ADAMTS16: variants seen among roughly 807,000 people sequenced by gnomAD.
ADAMTS16 encodes ADAM metallopeptidase with thrombospondin type 1 motif 16, also known as A disintegrin and metalloproteinase with thrombospondin motifs 16.
In ADAMTS16, 94 loss-of-function variants were observed where a neutral mutation model predicts 145.8. The ratio of observed to expected loss-of-function variants is 0.64; its 90% CI spans 0.55 to 0.77. The LOEUF is 0.77. Ranked by LOEUF, ADAMTS16 falls within the 30% of genes least tolerant of loss-of-function variation. The probability of loss-of-function intolerance (pLI) is 0.00; values close to 1 mark genes in which losing one functional copy is unlikely to be tolerated. For missense variants in ADAMTS16, 1,585 were observed against 1,591.5 expected (o/e 1.00, Z 0.07); for synonymous variants, 659 against 604.3 (o/e 1.09, Z -1.33).
intron 9 of ADAMTS16, among the ~76,000 whole-genome samples, chr5:5,204,079 C>T (rs1736026300): frequency 2.0e-5 from 3 of 152,044 alleles, no homozygotes; most frequent in Admixed American, 6.6e-5. Context: ...CACTTTCCTG[C>T]GGAGGAGAGA....
chr5:5,198,736 G>A (rs1464951000), intron 8 of ADAMTS16, among the ~76,000 whole-genome samples: 1 of 152,186 alleles, frequency 6.6e-6, no homozygotes, highest in Admixed American at 6.5e-5. Flanking sequence ...AAGCAAAGCA[G>A]TTAAATAGAC....
chr5:5,222,957 TG>T, intron 11 of ADAMTS16, 73 bp downstream of exon 11: 1 of 1,381,680 alleles, frequency 7.2e-7, no homozygotes, highest in Admixed American at 1.7e-5. Flanking sequence ...TTGCTCCTCT[TG>T]CATAGGTATT....
chr5:5,197,224 C>T lies in ADAMTS16; in HGVS notation c.1314-2908C>T, dbSNP rs1560944490. 2.0e-5 allele frequency among the ~76,000 whole-genome samples: 3 copies of T among 152,336 alleles called. No homozygotes were observed. The South Asian group carries it at 6.2e-4, about 32-fold the overall frequency. On this transcript the variant is annotated intron_variant, in intron 8 of 22. Transcript: ENST00000274181. Reference sequence around the variant, plus strand: ...ATAAGTGATACAGCCTCTACAAACACTTGGCTGGTTATTCAGCATTCTCAG... The same window carrying T: ...ATAAGTGATACAGCCTCTACAAACATTTGGCTGGTTATTCAGCATTCTCAG...
intron 3 of ADAMTS16, among the ~76,000 whole-genome samples, chr5:5,170,321 C>G (rs541671468): frequency 6.6e-6 from 1 of 152,194 alleles, no homozygotes; most frequent in South Asian, 2.1e-4. Context: ...ATTTGTATGT[C>G]TTCTCTCGAG....
intron 18 of ADAMTS16, among the ~76,000 whole-genome samples, chr5:5,284,029 T>C (rs1739024606): frequency 6.6e-6 from 1 of 152,236 alleles, no homozygotes; most frequent in African/African-American, 2.4e-5. Context: ...CTTATTTGAA[T>C]TATTTAACTT....
chr5:5,264,666 G>T (rs1471315641), intron 18 of ADAMTS16, among the ~76,000 whole-genome samples: 2 of 152,096 alleles, frequency 1.3e-5, no homozygotes, highest in African/African-American at 4.8e-5. Flanking sequence ...GGAAGATCTT[G>T]TCCTCCCAGC....
Position 5,209,120 on chromosome 5 carries a change from T to C in ADAMTS16, c.1479T>C (p.Asp493=). The part of the protein sequence containing the change: ...LSTAQAICLA[D]QPKPVKEYKY... ...CCGCTCAAGCTATCTGCCTTGCTGA[T>C]CAGCCAAAGCCTGTGAAGGAATACA... is the stretch of plus-strand genomic sequence containing the variant. The change falls in exon 10 of 23, where the codon GAT becomes GAC. Residue 493 remains aspartate, a synonymous_variant. Coordinates refer to ENST00000274181, the MANE Select transcript of ADAMTS16 (RefSeq NM_139056.4). The C allele has an allele frequency of 6.2e-7, 1 of 1,613,764 alleles. No individual in the cohort carries two copies. The highest frequency in any genetic ancestry group is 8.5e-7 in the Non-Finnish European group (1 of 1,179,794).
At chr5:5,267,926 G>A (rs921384809) in intron 18 of ADAMTS16, among the ~76,000 whole-genome samples, 7 of 152,244 alleles carry the variant, frequency 4.6e-5, no homozygotes, top group Admixed American at 2.0e-4. Flanking sequence ...GATGAGAATC[G>A]TGCCTGGCTC....
chr5:5,184,067 G>A (rs994882487), intron 4 of ADAMTS16, among the ~76,000 whole-genome samples: 1 of 152,182 alleles, frequency 6.6e-6, no homozygotes, highest in African/African-American at 2.4e-5. Flanking sequence ...GCCTCGAGTG[G>A]CCAGGGGCCA....
chr5:5,180,746 T>G (rs1423729845), intron 3 of ADAMTS16, among the ~76,000 whole-genome samples: 2 of 152,238 alleles, frequency 1.3e-5, no homozygotes, highest in East Asian at 3.8e-4. Flanking sequence ...CTGAAAGTAC[T>G]CTGATTTTGT....
intron 5 of ADAMTS16, among the ~76,000 whole-genome samples, chr5:5,186,555 G>A (rs1735505205): frequency 6.6e-6 from 1 of 152,008 alleles, no homozygotes; most frequent in Non-Finnish European, 1.5e-5. Context: ...ATCTCTAAGG[G>A]GTTGCTGAGC....
chr5:5,301,848 A>G (rs555134146), intron 18 of ADAMTS16, among the ~76,000 whole-genome samples: 2 of 152,348 alleles, frequency 1.3e-5, no homozygotes, highest in Admixed American at 1.3e-4. Context: ...GGTTCTCAGC[A>G]CAGACACAGC....
chr5:5,197,471 C>T (rs1393936759), intron 8 of ADAMTS16, among the ~76,000 whole-genome samples: 2 of 152,152 alleles, frequency 1.3e-5, no homozygotes, highest in Non-Finnish European at 2.9e-5. Flanking sequence ...CTGTCAAGTC[C>T]ACTGGCAGTG....
chr5:5,278,521 T>A (rs1484679692), intron 18 of ADAMTS16, among the ~76,000 whole-genome samples: 1 of 152,246 alleles, frequency 6.6e-6, no homozygotes, highest in African/African-American at 2.4e-5. Flanking sequence ...TTCTTACATG[T>A]ATAAAATGTT....
rs74417218 is a variant in ADAMTS16, at chr5:5,239,742, C to G, written c.2340C>G (p.Asn780Lys). Residue 780 changes from asparagine (N) to lysine (K), a missense_variant, in exon 16 of 23, where the codon AAC becomes AAG. Asn to Lys is a moderately conservative substitution (Grantham distance 94). This residue lies in a region of ADAMTS16 where 834 missense variants were observed against 811.7 expected (regional missense o/e 1.03). Coordinates refer to ENST00000274181, the MANE Select transcript of ADAMTS16 (RefSeq NM_139056.4). ...GGAGTATCCGCATCTATGAAATGAA[C>G]GTCTCTACCTCCTACATTTCTGTGC... is the stretch of plus-strand genomic sequence containing the variant. Reference protein sequence around the residue: ...GARSIRIYEMNVSTSYISVRN... With the variant: ...GARSIRIYEMKVSTSYISVRN... The G allele has an allele frequency of 3.7e-6, 6 of 1,614,052 alleles. No homozygotes were observed. Among genetic ancestry groups the G allele is most frequent in the Non-Finnish European group, 5.1e-6 (6 of 1,180,002 alleles).
At chr5:5,288,231 C>T (rs1739175050) in intron 18 of ADAMTS16, among the ~76,000 whole-genome samples, 1 of 152,022 alleles carries the variant, frequency 6.6e-6, no homozygotes, top group African/African-American at 2.4e-5. Context: ...GTGAATCCTC[C>T]GTGATTTAAA....
In ADAMTS16 at chr5:5,259,075, G is replaced by A. The variant is rs958084208; in HGVS notation, c.2663-3582G>A. 3.9e-5 allele frequency among the ~76,000 whole-genome samples: 6 copies of A among 152,082 alleles called. No individual in the cohort carries two copies. The South Asian group carries it at 6.2e-4, about 16-fold the overall frequency. ...TACCCGTGTCCATGCTGGGTGTGAC[G>A]TGGTGGCTCACAGAGATGGTCCACT... On this transcript the variant is annotated intron_variant, in intron 17 of 22. Coordinates refer to ENST00000274181, the MANE Select transcript of ADAMTS16 (RefSeq NM_139056.4).
chr5:5,240,741 G>A (rs942164261), intron 16 of ADAMTS16, among the ~76,000 whole-genome samples: 2 of 152,126 alleles, frequency 1.3e-5, no homozygotes, highest in African/African-American at 4.8e-5. Flanking sequence ...GGTTTAGATG[G>A]AGCAGCTGCT....
intron 18 of ADAMTS16, among the ~76,000 whole-genome samples, chr5:5,270,085 T>C (rs1166833568): frequency 6.6e-6 from 1 of 152,174 alleles, no homozygotes; most frequent in African/African-American, 2.4e-5. Flanking sequence ...TTTGAGACAA[T>C]ACAGAAGCCT....
Sources: gnomAD v4.1 joint callset for allele counts (sites outside exome capture counted in the v4.1 genomes callset) on GRCh38, gnomAD v4.1.1 for gene constraint, gnomAD v4.1.1 regional missense constraint, MANE v1.5 for transcripts, NCBI Gene and HGNC (gene_info 2026-07-23, HGNC 2026-07-21) for gene names.